DUOX1: variants seen among roughly 807,000 people sequenced by gnomAD.
The protein encoded by DUOX1 is NADPH thyroid oxidase 1.
A neutral mutation model predicts 181.8 loss-of-function variants in DUOX1; 134 were observed. The ratio of observed to expected loss-of-function variants is 0.74; its 90% CI spans 0.64 to 0.85. The LOEUF (loss-of-function observed/expected upper bound fraction) is 0.85, where lower values mean the gene tolerates loss of function less well. Ranked by LOEUF, DUOX1 falls within the 40% of genes least tolerant of loss-of-function variation. DUOX1 has a pLI of 0.00. For missense variants in DUOX1, 1,814 were observed against 2,064.4 expected (o/e 0.88, Z 2.35); for synonymous variants, 798 against 832.5 (o/e 0.96, Z 0.71).
chr15:45,164,022 ACCCATC>A (rs1209465581), intron 33 of DUOX1, 104 bp downstream of exon 33: 36 of 1,508,224 alleles, frequency 2.4e-5, no homozygotes, highest in Admixed American at 1.8e-4. Context: ...GCTGATGAGA[ACCCATC>A]CCCTGGGAGA....
At chr15:45,138,301 G>A (rs1595578548) in intron 10 of DUOX1, among the ~76,000 whole-genome samples, 1 of 152,164 alleles carries the variant, frequency 6.6e-6, no homozygotes, top group Non-Finnish European at 1.5e-5. Context: ...TGCAGGTATG[G>A]TTCCGCCTTC....
At position 45,142,023 on chromosome 15, in the gene DUOX1, C is replaced by T. The variant is rs543253172; in HGVS notation, c.1733C>T (p.Ala578Val). Residue 578 changes from alanine (A) to valine (V), a missense_variant, in exon 15 of 34, where the codon GCG becomes GTG. Coordinates refer to ENST00000389037, the MANE Select transcript of DUOX1 (RefSeq NM_175940.3). ...PRQLSTEGLP[A>V]CAPSVVRDYF... Reference sequence around the variant, plus strand: ...CAGCTCAGCACTGAAGGCCTGCCAGCGTGTGCTCCCTCTGTTGTTCGTGAC... The same window carrying T: ...CAGCTCAGCACTGAAGGCCTGCCAGTGTGTGCTCCCTCTGTTGTTCGTGAC... The T allele has an allele frequency of 3.1e-6, 5 of 1,613,848 alleles. No individual in the cohort carries two copies. The highest frequency in any genetic ancestry group is 2.7e-5 in the African/African-American group (2 of 75,008).
chr15:45,164,860 C>G lies in DUOX1; in HGVS notation c.4615C>G (p.Gln1539Glu). The change falls in exon 34 of 34, where the codon CAG becomes GAG. Residue 1539 changes from glutamine to glutamate, a missense_variant. By Grantham distance (29) the Gln-to-Glu change is conservative (BLOSUM62 2). Around this residue, in one of 5 missense-constraint regions of DUOX1, gnomAD observed 124 missense variants for 125.7 expected, o/e 0.99. Transcript: ENST00000389037. ...VEKACQLINR[Q>E]DRTHFSHHYE... Reference sequence around the variant, plus strand: ...AAAGGCCTGTCAGCTCATCAACAGGCAGGACCGGACTCACTTCTCCCACCA... The same window carrying G: ...AAAGGCCTGTCAGCTCATCAACAGGGAGGACCGGACTCACTTCTCCCACCA... 6.2e-7 allele frequency: 1 copy of G among 1,614,028 alleles called. No homozygotes were observed. The highest frequency in any genetic ancestry group is 2.2e-5 in the East Asian group (1 of 44,898).
chr15:45,138,736 C>A, intron 10 of DUOX1: 1 of 250,128 alleles, frequency 4.0e-6, no homozygotes. Flanking sequence ...GTGACTTGCC[C>A]AAGGTCATAC....
At chr15:45,153,507 T>A (rs977944705) in intron 26 of DUOX1, 28 bp downstream of exon 26, 2 of 461,600 alleles carry the variant, frequency 4.3e-6, no homozygotes, top group Non-Finnish European at 3.3e-6. Flanking sequence ...TGTGTGTGTG[T>A]GTGTGTGTGT....
chr15:45,150,567 G>C, intron 21 of DUOX1, 65 bp from the exon 22 acceptor site: 1 of 1,497,126 alleles, frequency 6.7e-7, no homozygotes, highest in Non-Finnish European at 9.3e-7. Flanking sequence ...AGTGCTGTGC[G>C]TTTGAGCCAG....
chr15:45,151,593 G>T (rs532745097), intron 23 of DUOX1, among the ~76,000 whole-genome samples: 1 of 152,294 alleles, frequency 6.6e-6, no homozygotes, highest in South Asian at 2.1e-4. Flanking sequence ...CTACAGACTG[G>T]AAGGAGAGGG....
Position 45,160,912 on chromosome 15 carries a change from T to C in DUOX1, c.3778T>C (p.Tyr1260His), listed in dbSNP as rs773328898. 6.2e-7 allele frequency: 1 copy of C among 1,614,046 alleles called. No individual in the cohort carries two copies. Among genetic ancestry groups the C allele is most frequent in the South Asian group, 1.1e-5 (1 of 91,056 alleles). The change falls in exon 29 of 34, where the codon TAT becomes CAT. Residue 1260 changes from tyrosine (Y) to histidine (H), a missense_variant. This residue lies in a region of DUOX1 where 279 missense variants were observed against 381.9 expected (regional missense o/e 0.73). Coordinates refer to ENST00000389037, the MANE Select transcript of DUOX1 (RefSeq NM_175940.3). The stretch of plus-strand genomic sequence containing the variant: ...CTTCTTCCTGGTCCCAGCAATCATC[T>C]ATGGGGGCGACAAGCTGGTGAGCCT... ...HIFFLVPAII[Y>H]GGDKLVSLSR...
intron 30 of DUOX1, 31 bp from the exon 31 acceptor site, chr15:45,162,188 G>T: frequency 6.3e-7 from 1 of 1,586,836 alleles, no homozygotes; most frequent in South Asian, 1.2e-5. Context: ...TGGTGGCCAA[G>T]CTTAACTGAA....
At position 45,140,987 on chromosome 15, in the gene DUOX1, A is replaced by G. The variant is rs751408562; in HGVS notation, c.1482A>G (p.Gly494=). Residue 494 remains glycine (G), a synonymous_variant, in exon 13 of 34, where the codon GGA becomes GGG. Coordinates refer to ENST00000389037, the MANE Select transcript of DUOX1 (RefSeq NM_175940.3). ...TCCTGGAGAGCCACCGGGACCCTGG[A>G]CCTCTGTTCAGCACCATCGTCCTTG... is the stretch of plus-strand genomic sequence containing the variant. The part of the protein sequence containing the change: ...GGLLESHRDP[G]PLFSTIVLEQ... 6.2e-7 allele frequency: 1 copy of G among 1,613,728 alleles called. No homozygotes were observed. The highest frequency in any genetic ancestry group is 2.2e-5 in the East Asian group (1 of 44,892).
intron 27 of DUOX1, among the ~76,000 whole-genome samples, chr15:45,154,714 G>A (rs1250514917): frequency 6.6e-6 from 1 of 151,556 alleles, no homozygotes; most frequent in Non-Finnish European, 1.5e-5. Context: ...CTCCTTTTAG[G>A]ACTTTACAGG....
At chr15:45,135,049 A>G in intron 4 of DUOX1, 55 bp from the exon 5 acceptor site, 2 of 1,587,892 alleles carry the variant, frequency 1.3e-6, no homozygotes, top group South Asian at 1.1e-5. Flanking sequence ...TACCTAGGGT[A>G]AGAAGGAAAG....
intron 27 of DUOX1, among the ~76,000 whole-genome samples, chr15:45,154,893 A>G (rs1457554341): frequency 1.3e-5 from 2 of 152,224 alleles, no homozygotes; most frequent in East Asian, 3.9e-4. Context: ...ATCCCCTGTG[A>G]GAGGAGGGGC....
intron 28 of DUOX1, among the ~76,000 whole-genome samples, chr15:45,158,881 T>C (rs151196226): frequency 3.9e-4 from 60 of 152,130 alleles, no homozygotes; most frequent in African/African-American, 1.4e-3. Context: ...AATGAACACT[T>C]GATATAGGAT....
intron 28 of DUOX1, 25 bp from the exon 29 acceptor site, chr15:45,160,812 G>A: frequency 1.3e-6 from 2 of 1,585,198 alleles, no homozygotes; most frequent in Non-Finnish European, 1.7e-6. Context: ...CGCTAGGTCT[G>A]AGCAGAGCTC....
intron 25 of DUOX1, 104 bp downstream of exon 25, chr15:45,152,620 C>G: frequency 8.9e-7 from 1 of 1,119,364 alleles, no homozygotes; most frequent in Non-Finnish European, 1.3e-6. Flanking sequence ...CTTTAATGTC[C>G]TTCTCCATCA....
At chr15:45,144,727 A>G (rs758166517) in intron 17 of DUOX1, among the ~76,000 whole-genome samples, 168 bp from the exon 18 acceptor site, 1 of 152,250 alleles carries the variant, frequency 6.6e-6, no homozygotes, top group Non-Finnish European at 1.5e-5. Flanking sequence ...CTCTGCACCT[A>G]TGAGCAAGTC....
intron 16 of DUOX1, 96 bp downstream of exon 16, chr15:45,143,399 CT>C: frequency 1.0e-6 from 1 of 966,124 alleles, no homozygotes; most frequent in Non-Finnish European, 1.6e-6. Flanking sequence ...AAAGGCCTCC[CT>C]TTTCTAGGAC....
rs546228575 is a variant in DUOX1 at position 45,154,056 on chromosome 15, T to C, written c.3574+56T>C. 1.5e-3 allele frequency: 2,396 copies of C among 1,559,050 alleles called. 60 individuals are homozygous for C. The South Asian group carries it at 0.024, about 16-fold the overall frequency. The stretch of plus-strand genomic sequence containing the variant: ...GGACCTGACTGTGAGTTCAAGGCTC[T>C]GGGTTCTCTGCACCCCAGAGCAACC... On this transcript the variant is annotated intron_variant, in intron 27 of 33. Coordinates refer to ENST00000389037, the MANE Select transcript of DUOX1 (RefSeq NM_175940.3).
Sources: allele counts gnomAD v4.1 joint callset (sites outside exome capture counted in the v4.1 genomes callset), GRCh38; gene constraint gnomAD v4.1.1; regional missense constraint gnomAD v4.1.1; transcripts MANE v1.5; gene names NCBI Gene and HGNC (gene_info 2026-07-23, HGNC 2026-07-21).